Variants in ARHGEF10L observed in about 807,000 individuals in gnomAD.
ARHGEF10L encodes the protein Rho guanine nucleotide exchange factor 10 like, also known as rho guanine nucleotide exchange factor 10-like protein.
Under a neutral mutation model 141.2 loss-of-function variants are expected in ARHGEF10L, and 69 were observed. The observed-to-expected ratio is 0.49, with a 90% CI of 0.40 to 0.60. The LOEUF is 0.60. Ranked by LOEUF, ARHGEF10L falls within the 20% of genes least tolerant of loss-of-function variation. The pLI is 0.00. For missense variants in ARHGEF10L, 1,482 were observed against 1,734.3 expected, an observed-to-expected ratio of 0.85 and a Z score of 2.58; for synonymous variants, 711 against 718.5, an observed-to-expected ratio of 0.99 and a Z score of 0.17.
intron 4 of ARHGEF10L, among the ~76,000 whole-genome samples, chr1:17,592,491 G>A (rs1014653480): frequency 6.6e-6 from 1 of 152,156 alleles, no homozygotes; most frequent in African/African-American, 2.4e-5. Flanking sequence ...TCTGGGAGAG[G>A]ACAGGGAGAC....
chr1:17,592,524 G>GGAAGGATCA (rs1474870798), intron 4 of ARHGEF10L, among the ~76,000 whole-genome samples: 5 of 152,078 alleles, frequency 3.3e-5, no homozygotes, highest in Non-Finnish European at 5.9e-5. Flanking sequence ...GATGTATCAG[G>GGAAGGATCA]GGCTGAGAGG....
At chr1:17,635,061 C>T in intron 18 of ARHGEF10L, 45 bp downstream of exon 18, 1 of 1,606,494 alleles carries the variant, frequency 6.2e-7, no homozygotes, top group East Asian at 2.2e-5. Flanking sequence ...CCCTCGCCCT[C>T]ACCAGCCACA....
At chr1:17,637,574 C>G (rs1006368032) in intron 18 of ARHGEF10L, among the ~76,000 whole-genome samples, 1 of 152,126 alleles carries the variant, frequency 6.6e-6, no homozygotes, top group Non-Finnish European at 1.5e-5. Flanking sequence ...TCTCGGCTCA[C>G]TGCAAGCTCC....
upstream of ARHGEF10L, among the ~76,000 whole-genome samples, chr1:17,538,348 T>C (rs1458474695): frequency 6.6e-6 from 1 of 152,232 alleles, no homozygotes; most frequent in Admixed American, 6.5e-5. Context: ...TGTTCACTGG[T>C]GTCTCCTGCG....
chr1:17,560,847 G>A (rs1236654749), intron 1 of ARHGEF10L, among the ~76,000 whole-genome samples: 1 of 152,224 alleles, frequency 6.6e-6, no homozygotes, highest in Admixed American at 6.5e-5. Context: ...TTACAGGTGT[G>A]AGCCACTGCG....
At chr1:17,524,334 A>AGCCTGG in the ARHGEF10L span, among the ~76,000 whole-genome samples, 5 of 149,916 alleles carry the variant, frequency 3.3e-5, no homozygotes, top group African/African-American at 1.2e-4. Flanking sequence ...ACCTTGGATC[A>AGCCTGG]GCCTGGGCAA....
chr1:17,637,886 A>G lies in ARHGEF10L; in HGVS notation c.1928-2A>G. On this transcript the variant is annotated splice_acceptor_variant, in intron 18 of 28. Transcript: ENST00000361221. LOFTEE classifies it high-confidence loss of function. ...GCCTGAGTTGGTCTCTTCTCTGCCC[A>G]GATAAGGTGTACCTCGGCCCCCCAC... 6.3e-7 allele frequency: 1 copy of G among 1,583,324 alleles called. No homozygotes were observed. The highest frequency in any genetic ancestry group is 8.6e-7 in the Non-Finnish European group (1 of 1,164,290).
At position 17,634,911 on chromosome 1, in the gene ARHGEF10L, G is replaced by C. The variant is rs1439999794; in HGVS notation, c.1822G>C (p.Val608Leu). 1 of 1,614,140 alleles carries C rather than the reference G, an allele frequency of 6.2e-7. No individual in the cohort carries two copies. The change falls in exon 18 of 29, where the codon GTG becomes CTG. Residue 608 changes from valine (V) to leucine (L), a missense_variant. Physicochemically the swap from Val to Leu is conservative, Grantham distance 32. Transcript: ENST00000361221. ...VVKWNTALPQ[V>L]QVVEVGQDGG... ...GAAGTGGAACACGGCGCTGCCCCAGGTGCAGGTGGTGGAGGTGGGCCAGGA... is the reference window on the plus strand; with the variant it reads ...GAAGTGGAACACGGCGCTGCCCCAGCTGCAGGTGGTGGAGGTGGGCCAGGA...
At chr1:17,667,603 G>A (rs1041447037) in intron 26 of ARHGEF10L, among the ~76,000 whole-genome samples, 2 of 152,236 alleles carry the variant, frequency 1.3e-5, no homozygotes, top group Admixed American at 6.5e-5. Context: ...AGGAGGCAGG[G>A]TAAACTGAGA....
At chr1:17,567,851 T>C (rs1255772401) in intron 1 of ARHGEF10L, among the ~76,000 whole-genome samples, 2 of 152,336 alleles carry the variant, frequency 1.3e-5, no homozygotes, top group African/African-American at 4.8e-5. Flanking sequence ...AGCTTGGTCA[T>C]TGCTGCATTT....
chr1:17,551,254 T>G (rs1344621156), intron 1 of ARHGEF10L, among the ~76,000 whole-genome samples: 1 of 152,180 alleles, frequency 6.6e-6, no homozygotes, highest in Non-Finnish European at 1.5e-5. Context: ...GAACTGGAGA[T>G]TCCAAGATGA....
intron 21 of ARHGEF10L, 35 bp downstream of exon 21, chr1:17,640,337 C>A: frequency 6.4e-7 from 1 of 1,564,342 alleles, no homozygotes; most frequent in Admixed American, 1.8e-5. Context: ...CCTCAGGGGG[C>A]AGGGGTGTGG....
At chr1:17,632,024 G>A (rs2060721617) in intron 15 of ARHGEF10L, among the ~76,000 whole-genome samples, 1 of 152,230 alleles carries the variant, frequency 6.6e-6, no homozygotes, top group Non-Finnish European at 1.5e-5. Flanking sequence ...AATCCCTACA[G>A]AGAGGGGCTG....
chr1:17,634,188 T>A, intron 16 of ARHGEF10L: 1 of 387,862 alleles, frequency 2.6e-6, no homozygotes, highest in East Asian at 5.8e-5. Flanking sequence ...GGCGGTATGA[T>A]GAATACCCTC....
chr1:17,573,360 C>T lies in ARHGEF10L; in HGVS notation c.-43-7193C>T, dbSNP rs904812310. Among the ~76,000 whole-genome samples, 13 of 152,274 alleles carry T rather than the reference C, an allele frequency of 8.5e-5. No individual in the cohort carries two copies. Among genetic ancestry groups the T allele is most frequent in the Middle Eastern group, 3.4e-3 (1 of 294 alleles). On this transcript the variant is annotated intron_variant, in intron 1 of 28. Transcript: ENST00000361221. This position sits in a 1 kb window ranked among gnomAD's most constrained non-coding sequence, Gnocchi z 4.8. Reference sequence around the variant, plus strand: ...TTGATGGCACACAGTATGTGTCATGCCAGCTGCTGTCCCCTCTCTGGCTTC... The same window carrying T: ...TTGATGGCACACAGTATGTGTCATGTCAGCTGCTGTCCCCTCTCTGGCTTC...
rs1241083848 is a variant in ARHGEF10L at position 17,656,211 on chromosome 1, G to T, written c.2705+109G>T. On this transcript the variant is annotated intron_variant, in intron 24 of 28. Coordinates refer to ENST00000361221, the MANE Select transcript of ARHGEF10L (RefSeq NM_018125.4). This position sits in a 1 kb window ranked among gnomAD's most constrained non-coding sequence, Gnocchi z 4.9. The stretch of plus-strand genomic sequence containing the variant: ...TGCCTGTTGCCCACCAACATTCTCT[G>T]CCCCTGGTCTCCAGGAAGGTGGGCA... The T allele has an allele frequency of 3.1e-6, 4 of 1,293,594 alleles. No individual in the cohort carries two copies. The highest frequency in any genetic ancestry group is 2.7e-4 in the Middle Eastern group (1 of 3,732). The allele number at this position is 1,293,594 out of a possible 1,614,324, so 80.1% of individuals were successfully genotyped here.
chr1:17,581,219 G>A (rs1055995503), intron 2 of ARHGEF10L, among the ~76,000 whole-genome samples: 7 of 148,458 alleles, frequency 4.7e-5, no homozygotes, highest in African/African-American at 1.7e-4. Flanking sequence ...GGCTGAGGCA[G>A]GAGAATTGCT....
At chr1:17,551,082 A>AG (rs938344224) in intron 1 of ARHGEF10L, among the ~76,000 whole-genome samples, 1 of 151,974 alleles carries the variant, frequency 6.6e-6, no homozygotes, top group African/African-American at 2.4e-5. Flanking sequence ...ATTCACACCA[A>AG]GGGGGGCAGT....
chr1:17,533,911 C>T, the ARHGEF10L span, among the ~76,000 whole-genome samples: 2 of 152,076 alleles, frequency 1.3e-5, no homozygotes, highest in Admixed American at 6.6e-5. Context: ...CTATGCGAGG[C>T]CGGTATCCAG....
Sources: gnomAD v4.1 joint callset for allele counts (sites outside exome capture counted in the v4.1 genomes callset) on GRCh38, gnomAD v4.1.1 for gene constraint, Gnocchi (gnomAD v3.1) non-coding constraint, MANE v1.5 for transcripts, NCBI Gene and HGNC (gene_info 2026-07-23, HGNC 2026-07-21) for gene names.